The following PALMD variants were observed in gnomAD, a reference collection of about 807,000 sequenced individuals.
The protein encoded by PALMD is paralemmin-like protein.
PALMD carries 42 observed loss-of-function variants against 56.2 expected under a neutral mutation model. That is an observed-to-expected ratio of 0.75 (90% CI 0.58 to 0.97). The LOEUF (loss-of-function observed/expected upper bound fraction) is 0.97, where lower values mean the gene tolerates loss of function less well. PALMD is among the 50% of genes least tolerant of loss of function. The pLI is 0.00. For synonymous variants in PALMD, 242 were observed against 222.9 expected, an observed-to-expected ratio of 1.09 and a Z score of -0.76; for missense variants, 660 against 643.8, an observed-to-expected ratio of 1.03 and a Z score of -0.27.
chr1:99,692,260 G>A (rs1273707627), intron 7 of PALMD, among the ~76,000 whole-genome samples: 1 of 151,986 alleles, frequency 6.6e-6, no homozygotes, highest in East Asian at 1.9e-4. Flanking sequence ...GAAGTGGTGG[G>A]GATCTCAGCT....
intron 1 of PALMD, among the ~76,000 whole-genome samples, chr1:99,655,950 GCACA>G (rs947298555): frequency 9.4e-5 from 3 of 32,012 alleles, no homozygotes; most frequent in Admixed American, 2.7e-4. Flanking sequence ...ACACACACAT[GCACA>G]CACACACACA....
Position 99,694,319 on chromosome 1 carries a change from A to AC in PALMD, c.*259dup, listed in dbSNP as rs1653737310. On this transcript the variant is annotated 3_prime_UTR_variant, in exon 8 of 8. Transcript: ENST00000263174. ...AACCAGCATTTTTTATTCTATTGATACCAAAGCATTTCTAATAAGAGCTTG... is the reference window on the plus strand; with the variant it reads ...AACCAGCATTTTTTATTCTATTGATACCCAAAGCATTTCTAATAAGAGCTTG... The AC allele has an allele frequency of 3.0e-6, 1 of 332,118 alleles. No homozygotes were observed. The highest frequency in any genetic ancestry group is 2.2e-5 in the African/African-American group (1 of 46,334). The allele number at this position is 332,118 out of a possible 1,614,324, so 20.6% of individuals were successfully genotyped here.
intron 1 of PALMD, among the ~76,000 whole-genome samples, chr1:99,652,695 GA>G (rs1354961732): frequency 1.7e-4 from 8 of 47,690 alleles, no homozygotes; most frequent in Non-Finnish European, 3.1e-4. Flanking sequence ...GAAAGGAAAG[GA>G]AAAGAAAAGA....
intron 1 of PALMD, among the ~76,000 whole-genome samples, 153 bp downstream of exon 1, chr1:99,646,515 C>T (rs549953848): frequency 3.9e-5 from 6 of 152,328 alleles, no homozygotes; most frequent in African/African-American, 1.4e-4. Flanking sequence ...ACCCTCATGA[C>T]CCTCTGTAAC....
At chr1:99,667,246 T>C (rs1571065446) in intron 2 of PALMD, among the ~76,000 whole-genome samples, 2 of 152,152 alleles carry the variant, frequency 1.3e-5, no homozygotes, top group South Asian at 2.1e-4. Context: ...ACACAAGATA[T>C]ATACCCATCA....
At chr1:99,669,832 G>T (rs1174264898) in intron 3 of PALMD, 2 of 152,238 alleles carry the variant, frequency 1.3e-5, no homozygotes, top group Non-Finnish European at 2.9e-5. Flanking sequence ...AAGGAGGAGG[G>T]AGAGGAAGAG....
chr1:99,689,611 G>A lies in PALMD; in HGVS notation c.1351G>A (p.Glu451Lys), dbSNP rs755072168. The change falls in exon 7 of 8, where the codon GAG becomes AAG. Residue 451 changes from glutamate to lysine, a missense_variant. By Grantham distance (56) the Glu-to-Lys change is moderately conservative. Coordinates refer to ENST00000263174, the MANE Select transcript of PALMD (RefSeq NM_017734.5). ...TGAGCTGGTTGTGATTGATGATGAG[G>A]AGGAGGAGGATGAAGGAGAAGCAGA... The part of the protein sequence containing the change: ...HAELVVIDDE[E>K]EEDEGEAEKP... The A allele has an allele frequency of 6.2e-7, 1 of 1,613,852 alleles. No individual in the cohort carries two copies.
intron 3 of PALMD, among the ~76,000 whole-genome samples, chr1:99,682,618 A>AAC (rs1349541038): frequency 1.3e-5 from 2 of 152,064 alleles, no homozygotes; most frequent in Non-Finnish European, 2.9e-5. Context: ...AACAACAACA[A>AAC]ACACCAGTGC....
Position 99,690,062 on chromosome 1 carries a change from A to T in PALMD, c.1612+190A>T, listed in dbSNP as rs528202266. 22 of 515,914 alleles carry T rather than the reference A, an allele frequency of 4.3e-5. No individual in the cohort carries two copies. In the East Asian group the frequency reaches 6.4e-4, roughly 15 times the overall value. 32.0% of individuals were successfully genotyped at this position (515,914 alleles called of 1,614,324 possible). ...ATTAAGTCACTTCAAAAGATAAAGA[A>T]AGTAAAAATAAATCATTGCCTTATT... On this transcript the variant is annotated intron_variant, in intron 7 of 7. Transcript: ENST00000263174.
chr1:99,662,512 G>A, intron 2 of PALMD, 113 bp downstream of exon 2: 2 of 688,198 alleles, frequency 2.9e-6, no homozygotes, highest in Non-Finnish European at 5.2e-6. Context: ...AAGATAGTTT[G>A]ACTAACATTG....
chr1:99,651,992 G>A (rs1024175473), intron 1 of PALMD, among the ~76,000 whole-genome samples: 7 of 152,130 alleles, frequency 4.6e-5, no homozygotes, highest in Non-Finnish European at 8.8e-5. Context: ...GGAATAAAAT[G>A]GACATCTCCT....
chr1:99,650,228 CTGACACTGGAATTTGAGCAACAGAGCCA>C (rs1163005564), intron 1 of PALMD, among the ~76,000 whole-genome samples: 3 of 142,398 alleles, frequency 2.1e-5, no homozygotes, highest in Non-Finnish European at 4.5e-5. Flanking sequence ...ATATAAAGTC[CTGACACTGGAATTTGAGCAACAGAGCCA>C]GATTTTGCCG....
chr1:99,687,113 T>C lies in PALMD; in HGVS notation c.438T>C (p.Leu146=). The change falls in exon 6 of 8, where the codon CTT becomes CTC. Residue 146 remains leucine, a synonymous_variant. Coordinates refer to ENST00000263174, the MANE Select transcript of PALMD (RefSeq NM_017734.5). ...ACATCTATGCTAATATCCCTGACCT[T>C]CCAAAGTCCTACATACCTTCTAGGT... ...IEDIYANIPD[L]PKSYIPSRLR... 6.2e-7 allele frequency: 1 copy of C among 1,605,232 alleles called. No homozygotes were observed. Among genetic ancestry groups the C allele is most frequent in the Non-Finnish European group, 8.5e-7 (1 of 1,172,824 alleles).
intron 7 of PALMD, 142 bp downstream of exon 7, chr1:99,690,014 A>G: frequency 1.5e-6 from 1 of 656,350 alleles, no homozygotes; most frequent in East Asian, 2.7e-5. Flanking sequence ...GCTGATAGAG[A>G]TTATTATCAC....
intron 3 of PALMD, among the ~76,000 whole-genome samples, chr1:99,670,887 T>TA (rs200736349): frequency 0.013 from 1,970 of 151,630 alleles, 30 homozygotes; most frequent in South Asian, 0.072. Context: ...GTAAAGCTGC[T>TA]AAAAAAAACA....
chr1:99,676,401 T>G (rs144067681), intron 3 of PALMD, among the ~76,000 whole-genome samples: 215 of 152,276 alleles, frequency 1.4e-3, no homozygotes, highest in African/African-American at 5.0e-3. Context: ...TTTTTAAAAA[T>G]TTTTGTAGAT....
At chr1:99,675,231 A>T (rs1170172196) in intron 3 of PALMD, among the ~76,000 whole-genome samples, 2 of 152,216 alleles carry the variant, frequency 1.3e-5, no homozygotes, top group Non-Finnish European at 2.9e-5. Flanking sequence ...GCTGTATAAT[A>T]TAGTCAGGGA....
At chr1:99,688,512 C>G (rs145080821) in intron 6 of PALMD, among the ~76,000 whole-genome samples, 3 of 152,240 alleles carry the variant, frequency 2.0e-5, no homozygotes, top group Admixed American at 6.6e-5. Flanking sequence ...TTGGAACCAT[C>G]AGCTTATCTT....
chr1:99,665,343 A>G (rs1406682301), intron 2 of PALMD, among the ~76,000 whole-genome samples: 1 of 152,164 alleles, frequency 6.6e-6, no homozygotes, highest in Non-Finnish European at 1.5e-5. Flanking sequence ...AGCCTCATCC[A>G]CTAAAGCACA....
Sources: gnomAD v4.1 joint callset for allele counts (sites outside exome capture counted in the v4.1 genomes callset) on GRCh38, gnomAD v4.1.1 for gene constraint, MANE v1.5 for transcripts, NCBI Gene and HGNC (gene_info 2026-07-23, HGNC 2026-07-21) for gene names.